The following ZNF536 variants were observed in gnomAD, a reference collection of about 807,000 sequenced individuals.
ZNF536 encodes the protein zinc finger protein 536.
ZNF536 carries 13 observed loss-of-function variants against 84.5 expected under a neutral mutation model. That is an observed-to-expected ratio of 0.15 (90% CI 0.10 to 0.24). The LOEUF is 0.24. Among genes scored for constraint, ZNF536 ranks in the 10% least tolerant of loss-of-function variants. ZNF536 has a pLI of 1.00. For synonymous variants in ZNF536, 811 were observed against 742.5 expected (o/e 1.09, Z -1.50); for missense variants, 1,536 against 1,747.5 (o/e 0.88, Z 2.16).
intron 2 of ZNF536, among the ~76,000 whole-genome samples, chr19:30,509,866 A>G (rs1458832941): frequency 6.6e-6 from 1 of 152,228 alleles, no homozygotes; most frequent in East Asian, 1.9e-4. Context: ...AAACTGTTGA[A>G]TCGTGAATTT....
At chr19:30,248,949 C>T (rs2145033071) in intron 1 of ZNF536, among the ~76,000 whole-genome samples, 1 of 152,286 alleles carries the variant, frequency 6.6e-6, no homozygotes, top group South Asian at 2.1e-4. Flanking sequence ...ACAAGAACTC[C>T]ACTTGCTGCC....
At chr19:30,278,497 A>G (rs1342922672) in intron 1 of ZNF536, among the ~76,000 whole-genome samples, 2 of 152,108 alleles carry the variant, frequency 1.3e-5, no homozygotes, top group African/African-American at 2.4e-5. Flanking sequence ...GTCATTTACC[A>G]ACTCTAGCAG....
intron 2 of ZNF536, among the ~76,000 whole-genome samples, chr19:30,347,075 G>A (rs2047767196): frequency 6.8e-6 from 1 of 147,738 alleles, no homozygotes; most frequent in East Asian, 2.0e-4. Context: ...GTTTTGATTT[G>A]CATTTCTCTA....
intron 1 of ZNF536, among the ~76,000 whole-genome samples, chr19:30,635,348 A>G (rs931040786): frequency 6.6e-6 from 1 of 152,196 alleles, no homozygotes; most frequent in Non-Finnish European, 1.5e-5. Context: ...GGAGTTTATC[A>G]TTTATTTGGA....
intron 2 of ZNF536, among the ~76,000 whole-genome samples, chr19:30,313,571 C>A (rs1275825294): frequency 6.6e-6 from 1 of 152,178 alleles, no homozygotes; most frequent in Non-Finnish European, 1.5e-5. Flanking sequence ...CAACTCTCAC[C>A]CTCACCCCAT....
intron 2 of ZNF536, among the ~76,000 whole-genome samples, chr19:30,447,265 C>G (rs2052396626): frequency 6.6e-6 from 1 of 152,162 alleles, no homozygotes; most frequent in Admixed American, 6.5e-5. Flanking sequence ...CACTGCTGCA[C>G]TTATTAAGTA....
intron 1 of ZNF536, among the ~76,000 whole-genome samples, chr19:30,706,411 C>T (rs763720204): frequency 2.0e-5 from 3 of 149,288 alleles, no homozygotes; most frequent in East Asian, 2.0e-4. Flanking sequence ...GGTGTGAACC[C>T]GGGAGGCAGA....
At chr19:30,536,985 C>A (rs143094522) in intron 3 of ZNF536, among the ~76,000 whole-genome samples, 276 of 152,328 alleles carry the variant, frequency 1.8e-3, no homozygotes, top group African/African-American at 6.3e-3. Context: ...TTCTAGACCG[C>A]TTTCCTTCCC....
intron 2 of ZNF536, among the ~76,000 whole-genome samples, chr19:30,338,939 G>A (rs567462161): frequency 6.6e-6 from 1 of 152,286 alleles, no homozygotes; most frequent in South Asian, 2.1e-4. Context: ...TGTTGCTGGT[G>A]GCATGTGTGA....
intron 1 of ZNF536, among the ~76,000 whole-genome samples, chr19:30,601,481 G>C (rs1022853100): frequency 1.3e-5 from 2 of 152,144 alleles, no homozygotes; most frequent in African/African-American, 4.8e-5. Context: ...GGCTACGCTA[G>C]GAGGGCCCAC....
chr19:30,424,148 TC>T (rs1235272791), intron 1 of ZNF536, among the ~76,000 whole-genome samples: 2 of 152,270 alleles, frequency 1.3e-5, no homozygotes, highest in African/African-American at 4.8e-5. Context: ...TTTCTTTCTC[TC>T]TGTAACTCTC....
chr19:30,356,629 T>C (rs887664692), intron 3 of ZNF536, among the ~76,000 whole-genome samples: 1 of 152,240 alleles, frequency 6.6e-6, no homozygotes, highest in South Asian at 2.1e-4. Flanking sequence ...AGCAAACTCC[T>C]TTGTAGCTGC....
chr19:30,435,601 A>T (rs1208128787), intron 1 of ZNF536, among the ~76,000 whole-genome samples: 1 of 151,660 alleles, frequency 6.6e-6, no homozygotes, highest in African/African-American at 2.4e-5. Flanking sequence ...GATGGTGATG[A>T]TGGTGATGCT....
At chr19:30,425,455 A>T (rs1003780448) in intron 1 of ZNF536, among the ~76,000 whole-genome samples, 1 of 152,192 alleles carries the variant, frequency 6.6e-6, no homozygotes, top group Non-Finnish European at 1.5e-5. Flanking sequence ...CAGTGCAAAT[A>T]TGTAAATGGT....
At chr19:30,259,119 C>A (rs931152428) in intron 1 of ZNF536, among the ~76,000 whole-genome samples, 1 of 152,078 alleles carries the variant, frequency 6.6e-6, no homozygotes, top group Non-Finnish European at 1.5e-5. Flanking sequence ...GCAACTCAAC[C>A]CCCGCTTTTT....
chr19:30,302,270 C>A (rs1419565166), intron 2 of ZNF536, among the ~76,000 whole-genome samples: 4 of 152,162 alleles, frequency 2.6e-5, no homozygotes, highest in Non-Finnish European at 5.9e-5. Flanking sequence ...TCTGTCCGTC[C>A]TGCGGCAGGG....
chr19:30,310,850 C>T (rs547409222), intron 2 of ZNF536, among the ~76,000 whole-genome samples: 20 of 152,344 alleles, frequency 1.3e-4, no homozygotes, highest in South Asian at 2.1e-4. Flanking sequence ...GGTTCAAGTG[C>T]TCGGATAATG....
At chr19:30,260,774 A>G (rs2025166561) in intron 1 of ZNF536, among the ~76,000 whole-genome samples, 1 of 152,194 alleles carries the variant, frequency 6.6e-6, no homozygotes, top group Non-Finnish European at 1.5e-5. Context: ...CCCCCGGAGC[A>G]GGAGAAGCAG....
chr19:30,468,602 G>A (rs2053508245), intron 2 of ZNF536, among the ~76,000 whole-genome samples: 1 of 152,180 alleles, frequency 6.6e-6, no homozygotes, highest in Non-Finnish European at 1.5e-5. Flanking sequence ...GGACTCTGCA[G>A]GGGTTCGTGA....
Sources: gnomAD v4.1 joint callset for allele counts (sites outside exome capture counted in the v4.1 genomes callset) on GRCh38, gnomAD v4.1.1 for gene constraint, MANE v1.5 for transcripts, NCBI Gene and HGNC (gene_info 2026-07-23, HGNC 2026-07-21) for gene names.